JMJD1C: variants seen among roughly 807,000 people sequenced by gnomAD.
JMJD1C encodes jumonji domain-containing protein 1C.
Under a neutral mutation model 245.3 loss-of-function variants are expected in JMJD1C, and 31 were observed. That is an observed-to-expected ratio of 0.13 (90% CI 0.09 to 0.17). The LOEUF is 0.17. Ranked by LOEUF, JMJD1C falls within the 10% of genes least tolerant of loss-of-function variation. The probability of loss-of-function intolerance (pLI) is 1.00; values close to 1 mark genes in which losing one functional copy is unlikely to be tolerated. For synonymous variants in JMJD1C, 1,057 were observed against 1,017.4 expected (o/e 1.04, Z -0.74); for missense variants, 2,691 against 3,000.2 (o/e 0.90, Z 2.41).
chr10:63,501,468 T>A (rs755038875), intron 1 of JMJD1C, among the ~76,000 whole-genome samples: 3 of 152,318 alleles, frequency 2.0e-5, no homozygotes, highest in East Asian at 3.9e-4. Flanking sequence ...TCCACATTTT[T>A]AAAAATTGTT....
intron 4 of JMJD1C, among the ~76,000 whole-genome samples, chr10:63,219,459 A>C (rs1049322673): frequency 6.6e-6 from 1 of 152,178 alleles, no homozygotes; most frequent in Non-Finnish European, 1.5e-5. Flanking sequence ...AAAGGAAACA[A>C]AAGACTAGTA....
intron 1 of JMJD1C, among the ~76,000 whole-genome samples, chr10:63,457,114 T>G (rs1952464986): frequency 6.6e-6 from 1 of 152,146 alleles, no homozygotes; most frequent in South Asian, 2.1e-4. Context: ...TTTAATACAG[T>G]AAGTATCAAT....
chr10:63,196,990 T>C (rs1845535727), intron 13 of JMJD1C, among the ~76,000 whole-genome samples: 1 of 151,384 alleles, frequency 6.6e-6, no homozygotes, highest in African/African-American at 2.4e-5. Flanking sequence ...TTTGTAGAGA[T>C]GGGGGTTTTG....
chr10:63,170,230 A>G (rs1411893794), intron 24 of JMJD1C, among the ~76,000 whole-genome samples: 1 of 152,190 alleles, frequency 6.6e-6, no homozygotes, highest in Non-Finnish European at 1.5e-5. Flanking sequence ...GTTGTCTAGT[A>G]GTAAGTCCAA....
chr10:63,167,816 A>G lies in JMJD1C; in HGVS notation c.*229T>C. On this transcript the variant is annotated 3_prime_UTR_variant, in exon 26 of 26. Transcript: ENST00000399262. ...CAAACATCATATACACTATAATACA[A>G]AACAGCTATATAGTGCTGCTTTTAA... The G allele has an allele frequency of 2.3e-6, 1 of 434,280 alleles. No individual in the cohort carries two copies. The highest frequency in any genetic ancestry group is 4.1e-6 in the Non-Finnish European group (1 of 241,994). 26.9% of individuals were successfully genotyped at this position (434,280 alleles called of 1,614,324 possible). A position where few individuals can be genotyped will look rare whatever the true frequency, so the allele number is the denominator to read the frequency against.
chr10:63,416,034 G>A (rs1286637551), intron 1 of JMJD1C, among the ~76,000 whole-genome samples: 1 of 152,142 alleles, frequency 6.6e-6, no homozygotes, highest in Non-Finnish European at 1.5e-5. Context: ...AGGCTTTAAA[G>A]TGGATTCATG....
intron 24 of JMJD1C, 99 bp from the exon 25 acceptor site, chr10:63,168,665 T>C: frequency 2.8e-6 from 3 of 1,086,458 alleles, no homozygotes; most frequent in Non-Finnish European, 2.5e-6. Flanking sequence ...ACAATTCTGC[T>C]GGAGAATTTA....
In JMJD1C at chr10:63,460,704, A is replaced by G. The variant is rs189189551; in HGVS notation, c.168+4791T>C. ...AGACTTAAAGACATTTCTTGTATAT[A>G]ATTTGAAATTGTCTAAAAATAATAT... On this transcript the variant is annotated intron_variant, in intron 1 of 25. Coordinates refer to ENST00000399262, the MANE Select transcript of JMJD1C (RefSeq NM_032776.3). Among the ~76,000 whole-genome samples the G allele has an allele frequency of 1.6e-4, 24 of 152,336 alleles. 1 individual carries two copies. In the East Asian group the frequency reaches 4.6e-3, roughly 29 times the overall value.
rs892310771 is a variant in JMJD1C at position 63,371,652 on chromosome 10, G to A, written c.333+8666C>T. Among the ~76,000 whole-genome samples, 4 of 148,820 alleles carry A rather than the reference G, an allele frequency of 2.7e-5. No homozygotes were observed. The East Asian group carries it at 7.9e-4, about 29-fold the overall frequency. On this transcript the variant is annotated intron_variant, in intron 2 of 25. Transcript: ENST00000399262. ...CTAAGACTAGAATTAATGAATCAAA[G>A]AGTATGAACTTCTTATGGTTCTTAT...
In JMJD1C at chr10:63,214,602, G is replaced by T. The variant is rs1363869133; in HGVS notation, c.1565C>A (p.Ala522Asp). The change falls in exon 8 of 26, where the codon GCT (alanine) becomes GAT (aspartate). Residue 522 changes from alanine to aspartate, a missense_variant. Ala to Asp is a moderately radical substitution (Grantham distance 126, BLOSUM62 -2). Transcript: ENST00000399262. The stretch of plus-strand genomic sequence containing the variant: ...GCCAAAGGTACTTGAGTTTTCCTGA[G>T]CCACCTTTTCTAAATTAGTGTCATT... ...ITNDTNLEKV[A>D]QENSSTFGLQ... 1 of 1,613,946 alleles carries T rather than the reference G, an allele frequency of 6.2e-7. No individual in the cohort carries two copies. Among genetic ancestry groups the T allele is most frequent in the Non-Finnish European group, 8.5e-7 (1 of 1,180,002 alleles).
At chr10:63,223,054 A>T in intron 3 of JMJD1C, 1 of 1,123,814 alleles carries the variant, frequency 8.9e-7, no homozygotes, top group Non-Finnish European at 1.3e-6. Context: ...TATAATTGGT[A>T]TATGTCTTCC....
chr10:63,364,167 T>C lies in JMJD1C; in HGVS notation c.333+16151A>G, dbSNP rs1419486952. Among the ~76,000 whole-genome samples the C allele has an allele frequency of 5.9e-5, 9 of 151,952 alleles. No homozygotes were observed. In the South Asian group the frequency reaches 1.9e-3, roughly 31 times the overall value. On this transcript the variant is annotated intron_variant, in intron 2 of 25. Transcript: ENST00000399262. ...GGTGTGAGCCACTGCGCCCAGACTG[T>C]CTGGTTAATTTTTAACTTTTATGTA...
chr10:63,385,414 G>A (rs200374483), intron 1 of JMJD1C, among the ~76,000 whole-genome samples: 3 of 67,650 alleles, frequency 4.4e-5, no homozygotes, highest in African/African-American at 1.5e-4. Flanking sequence ...CCCTGCCCCC[G>A]CCTTTTTTTT....
At chr10:63,284,882 CACACACACACACACACACACACACAT>C (rs1857800617) in intron 2 of JMJD1C, among the ~76,000 whole-genome samples, 2 of 150,232 alleles carry the variant, frequency 1.3e-5, no homozygotes, top group South Asian at 4.2e-4. Flanking sequence ...CACACACACA[CACACACACACACACACACACACACAT>C]TCTCTCTACT....
At position 63,207,472 on chromosome 10, in the gene JMJD1C, G is replaced by A; in HGVS notation, c.4197C>T (p.Ile1399=). The A allele has an allele frequency of 6.2e-7, 1 of 1,614,178 alleles. No homozygotes were observed. The highest frequency in any genetic ancestry group is 1.3e-5 in the African/African-American group (1 of 75,038). ...NTMCNTKTDV[I]TSAADTTSVS... is the part of the protein sequence containing the mutation. ...CACTGGTAGTATCGGCAGCAGATGT[G>A]ATTACATCCGTTTTGGTATTACACA... Residue 1399 remains isoleucine (I), a synonymous_variant, in exon 10 of 26, where the codon ATC becomes ATT. Coordinates refer to ENST00000399262, the MANE Select transcript of JMJD1C (RefSeq NM_032776.3).
chr10:63,246,470 A>G (rs1314322714), intron 3 of JMJD1C, among the ~76,000 whole-genome samples: 1 of 152,184 alleles, frequency 6.6e-6, no homozygotes, highest in Non-Finnish European at 1.5e-5. Flanking sequence ...ACTGACATGC[A>G]AGAATACTGT....
intron 3 of JMJD1C, among the ~76,000 whole-genome samples, chr10:63,247,102 C>CAAAAAAAAAAAAAAAAAA (rs200646094): frequency 1.6e-5 from 1 of 60,868 alleles, no homozygotes; most frequent in Non-Finnish European, 4.8e-5. Flanking sequence ...TAAACTGAGA[C>CAAAAAAAAAAAAAAAAAA]AAAAAAAACA....
intron 1 of JMJD1C, among the ~76,000 whole-genome samples, chr10:63,388,652 T>C (rs1947814863): frequency 6.6e-6 from 1 of 151,860 alleles, no homozygotes; most frequent in Non-Finnish European, 1.5e-5. Context: ...AAAGGAACAA[T>C]GAATACACAA....
intron 2 of JMJD1C, among the ~76,000 whole-genome samples, chr10:63,307,524 C>T (rs1014338980): frequency 2.6e-5 from 4 of 152,034 alleles, no homozygotes; most frequent in Admixed American, 6.6e-5. Flanking sequence ...GAAAAAGCAA[C>T]GGCAATTTGA....
Sources: allele counts gnomAD v4.1 joint callset (sites outside exome capture counted in the v4.1 genomes callset), GRCh38; gene constraint gnomAD v4.1.1; transcripts MANE v1.5; gene names NCBI Gene and HGNC (gene_info 2026-07-23, HGNC 2026-07-21).